SHISA9: variants seen among roughly 807,000 people sequenced by gnomAD.
SHISA9 encodes the protein shisa family member 9, also known as protein shisa-9.
In SHISA9, 13 loss-of-function variants were observed where a neutral mutation model predicts 38.0. The ratio of observed to expected loss-of-function variants is 0.34; its 90% CI spans 0.22 to 0.54. The LOEUF (loss-of-function observed/expected upper bound fraction) is 0.54. Among genes scored for constraint, SHISA9 ranks in the 20% least tolerant of loss-of-function variants. The probability of loss-of-function intolerance (pLI) is 0.91; values close to 1 mark genes in which losing one functional copy is unlikely to be tolerated. For synonymous variants in SHISA9, 275 were observed against 242.0 expected (o/e 1.14, Z -1.27); for missense variants, 538 against 575.8 (o/e 0.93, Z 0.67).
Position 12,916,764 on chromosome 16 carries a change from C to T in SHISA9, c.640C>T (p.His214Tyr). The T allele has an allele frequency of 6.4e-7, 1 of 1,552,032 alleles. No individual in the cohort carries two copies. The highest frequency in any genetic ancestry group is 8.7e-7 in the Non-Finnish European group (1 of 1,147,060). ...HMERDLNIVV[H>Y]VQHYENMDTR... ...GGAGAGAGACCTAAACATCGTTGTC[C>T]ACGTCCAGCATTATGAGAACATGGA... Residue 214 changes from histidine to tyrosine, a missense_variant, in exon 2 of 5, where the codon CAC becomes TAC. His to Tyr is a moderately conservative substitution (Grantham distance 83). Transcript: ENST00000558583.
rs550376108 is a variant in SHISA9, at chr16:13,010,161, C to T, written c.691+93346C>T. On this transcript the variant is annotated intron_variant, in intron 2 of 4. Coordinates refer to ENST00000558583, the MANE Select transcript of SHISA9 (RefSeq NM_001145204.3). ...CTACTGCATTCAGCCTGGGTAACAG[C>T]GAAATCTTGTCTCGAAAAAAGAAAA... Among the ~76,000 whole-genome samples, 178 of 151,796 alleles carry T rather than the reference C, an allele frequency of 1.2e-3. 1 individual carries two copies. In the South Asian group the frequency reaches 0.014, roughly 12 times the overall value.
At chr16:13,264,423 T>G in the SHISA9 span, among the ~76,000 whole-genome samples, 2 of 152,088 alleles carry the variant, frequency 1.3e-5, no homozygotes, top group Non-Finnish European at 2.9e-5. Flanking sequence ...TTCGCCCCCC[T>G]CGGCTTCCCA....
chr16:13,079,368 C>G (rs2073621432), intron 2 of SHISA9, among the ~76,000 whole-genome samples: 1 of 152,176 alleles, frequency 6.6e-6, no homozygotes, highest in Non-Finnish European at 1.5e-5. Context: ...GTTCTTAGTA[C>G]AGTGTCTTAC....
At chr16:13,132,934 C>T (rs111502308) in intron 2 of SHISA9, among the ~76,000 whole-genome samples, 2,797 of 152,286 alleles carry the variant, frequency 0.018, 35 homozygotes, top group South Asian at 0.023. Flanking sequence ...TTCTGTGTGA[C>T]CTTGTCCATC....
chr16:12,992,996 C>T (rs895405125), intron 2 of SHISA9, among the ~76,000 whole-genome samples: 2 of 152,200 alleles, frequency 1.3e-5, no homozygotes, highest in African/African-American at 4.8e-5. Flanking sequence ...ATTGTCTGTG[C>T]AAACCATTTG....
chr16:13,149,637 T>C (rs2050479806), intron 2 of SHISA9, among the ~76,000 whole-genome samples: 1 of 151,860 alleles, frequency 6.6e-6, no homozygotes, highest in Non-Finnish European at 1.5e-5. Flanking sequence ...AAAGAGATAG[T>C]CATGGGACCA....
At chr16:13,358,759 T>C in the SHISA9 span, among the ~76,000 whole-genome samples, 1 of 152,190 alleles carries the variant, frequency 6.6e-6, no homozygotes, top group African/African-American at 2.4e-5. Context: ...AGTTATGAGT[T>C]CCAGACATCA....
At chr16:13,082,911 G>A (rs1483502396) in intron 2 of SHISA9, among the ~76,000 whole-genome samples, 1 of 152,208 alleles carries the variant, frequency 6.6e-6, no homozygotes, top group African/African-American at 2.4e-5. Context: ...TCTTAAGAGA[G>A]TCCATCACCT....
At chr16:13,498,599 A>G in the SHISA9 span, among the ~76,000 whole-genome samples, 1 of 152,100 alleles carries the variant, frequency 6.6e-6, no homozygotes, top group Admixed American at 6.5e-5. Flanking sequence ...TCTACTAAAA[A>G]TACAAACATT....
At chr16:13,282,930 G>A in the SHISA9 span, among the ~76,000 whole-genome samples, 18 of 151,974 alleles carry the variant, frequency 1.2e-4, no homozygotes, top group African/African-American at 2.9e-4. Flanking sequence ...TATCATTTGC[G>A]AATATGTATA....
the SHISA9 span, among the ~76,000 whole-genome samples, chr16:13,470,494 T>G: frequency 6.6e-6 from 1 of 152,096 alleles, no homozygotes; most frequent in African/African-American, 2.4e-5. Flanking sequence ...CAAAGGCACA[T>G]CTTACATGGC....
At chr16:13,448,918 C>A in the SHISA9 span, among the ~76,000 whole-genome samples, 1 of 152,060 alleles carries the variant, frequency 6.6e-6, no homozygotes. Flanking sequence ...GGGTTTCAAG[C>A]ATTTGAAGAA....
chr16:12,992,373 A>AAG (rs1555452856), intron 2 of SHISA9, among the ~76,000 whole-genome samples: 3 of 150,872 alleles, frequency 2.0e-5, no homozygotes, highest in African/African-American at 7.3e-5. Flanking sequence ...AAAAAAAAAA[A>AAG]AAAAAAAAGT....
rs1276379547 is a variant in SHISA9 at position 13,110,651 on chromosome 16, TG to T, written c.692-92741del. ...TGGAGACTCGGAAACAGTCATCTGA[TG>T]GTGTGACAGGTCAGTGAGCCAATCA... On this transcript the variant is annotated intron_variant, in intron 2 of 4. Coordinates refer to ENST00000558583, the MANE Select transcript of SHISA9 (RefSeq NM_001145204.3). Among the ~76,000 whole-genome samples, 3 of 152,198 alleles carry T rather than the reference TG, an allele frequency of 2.0e-5. No homozygotes were observed. In the East Asian group the frequency reaches 5.8e-4, roughly 29 times the overall value.
the SHISA9 span, among the ~76,000 whole-genome samples, chr16:13,300,029 C>T: frequency 1.3e-5 from 2 of 152,102 alleles, no homozygotes; most frequent in Admixed American, 6.5e-5. Context: ...CTGCCACTTC[C>T]GTTCAACTCC....
intron 2 of SHISA9, among the ~76,000 whole-genome samples, chr16:13,007,905 A>G (rs897771180): frequency 3.9e-5 from 6 of 152,064 alleles, no homozygotes; most frequent in African/African-American, 7.2e-5. Context: ...GGGTTTTAGT[A>G]TTCCCAGGGT....
rs564437866 is a variant in SHISA9 at position 12,930,677 on chromosome 16, C to G, written c.691+13862C>G. Among the ~76,000 whole-genome samples, 26 of 152,170 alleles carry G rather than the reference C, an allele frequency of 1.7e-4. 1 individual carries two copies. In the South Asian group the frequency reaches 4.6e-3, roughly 27 times the overall value. The stretch of plus-strand genomic sequence containing the variant: ...TTGATGTGAATAATAATGAAAAAAA[C>G]CTTAACACTGGTGATGCAAAGTAAC... On this transcript the variant is annotated intron_variant, in intron 2 of 4. Transcript: ENST00000558583.
intron 2 of SHISA9, among the ~76,000 whole-genome samples, chr16:13,027,410 C>T (rs1227288617): frequency 2.0e-5 from 3 of 152,152 alleles, no homozygotes. Context: ...CCAATATACA[C>T]TTAGCATGCA....
At chr16:13,027,376 T>G (rs1212380078) in intron 2 of SHISA9, among the ~76,000 whole-genome samples, 1 of 152,200 alleles carries the variant, frequency 6.6e-6, no homozygotes, top group African/African-American at 2.4e-5. Context: ...TGCTTTTTGT[T>G]TCTTATAAAC....
Sources: gnomAD v4.1 joint callset for allele counts (sites outside exome capture counted in the v4.1 genomes callset) on GRCh38, gnomAD v4.1.1 for gene constraint, MANE v1.5 for transcripts, NCBI Gene and HGNC (gene_info 2026-07-23, HGNC 2026-07-21) for gene names.